The following DAB1 variants were observed in gnomAD, a reference collection of about 807,000 sequenced individuals.
DAB1 encodes DAB adaptor protein 1.
A neutral mutation model predicts 64.6 loss-of-function variants in DAB1; 15 were observed. The observed-to-expected ratio is 0.23, with a 90% CI of 0.16 to 0.36. DAB1 has a LOEUF of 0.36. Among genes scored for constraint, DAB1 ranks in the 10% least tolerant of loss-of-function variants. DAB1 has a pLI of 1.00. For missense variants in DAB1, 596 were observed against 706.7 expected (o/e 0.84, Z 1.78); for synonymous variants, 235 against 251.9 (o/e 0.93, Z 0.64).
At chr1:58,025,557 TATAG>T (rs1207473196) in intron 5 of DAB1, among the ~76,000 whole-genome samples, 2 of 147,624 alleles carry the variant, frequency 1.4e-5, no homozygotes, top group Non-Finnish European at 3.0e-5. Context: ...ATTATATATA[TATAG>T]AGAGAGAGCC....
chr1:58,441,839 A>T (rs1459618009), intron 3 of DAB1, among the ~76,000 whole-genome samples: 3 of 152,186 alleles, frequency 2.0e-5, no homozygotes, highest in African/African-American at 7.2e-5. Context: ...AGGAAATTAA[A>T]TTGCTCACTG....
intron 3 of DAB1, among the ~76,000 whole-genome samples, chr1:58,477,493 C>T (rs1645430461): frequency 6.6e-6 from 1 of 152,116 alleles, no homozygotes; most frequent in African/African-American, 2.4e-5. Context: ...GGTGTTGACT[C>T]ATACCCATCA....
At chr1:58,481,716 G>C (rs1443754176) in intron 3 of DAB1, among the ~76,000 whole-genome samples, 1 of 152,134 alleles carries the variant, frequency 6.6e-6, no homozygotes, top group Non-Finnish European at 1.5e-5. Context: ...GGAGGTAACT[G>C]AATCATGGAG....
chr1:58,282,952 C>G (rs9436173), intron 4 of DAB1, among the ~76,000 whole-genome samples: 139,761 of 152,188 alleles, frequency 0.92, 64,174 homozygotes, highest in South Asian at 0.95. Context: ...AGAGAAGAAG[C>G]CAACTTTGCT....
At chr1:57,346,839 C>T (rs1334912176) in intron 1 of DAB1, among the ~76,000 whole-genome samples, 2 of 152,174 alleles carry the variant, frequency 1.3e-5, no homozygotes, top group Non-Finnish European at 2.9e-5. Context: ...TCCATACTAT[C>T]TGAATTTGTT....
chr1:57,637,468 T>C (rs886067635), intron 7 of DAB1, among the ~76,000 whole-genome samples: 2 of 152,156 alleles, frequency 1.3e-5, no homozygotes, highest in Non-Finnish European at 2.9e-5. Flanking sequence ...GTGGTGGGTA[T>C]ATGCAGGTGT....
chr1:58,034,962 A>T (rs1226373935), intron 5 of DAB1, among the ~76,000 whole-genome samples: 1 of 152,166 alleles, frequency 6.6e-6, no homozygotes, highest in African/African-American at 2.4e-5. Flanking sequence ...TTCCCCTCGA[A>T]CCTGTGTCTT....
intron 1 of DAB1, among the ~76,000 whole-genome samples, chr1:57,355,868 C>T (rs1219541352): frequency 8.2e-6 from 1 of 122,464 alleles, no homozygotes; most frequent in Non-Finnish European, 1.8e-5. Flanking sequence ...TGTTAAACCT[C>T]AATAAACACA....
chr1:57,588,395 T>C (rs1019829872), intron 7 of DAB1, among the ~76,000 whole-genome samples: 1 of 152,358 alleles, frequency 6.6e-6, no homozygotes, highest in African/African-American at 2.4e-5. Context: ...AAAATGGAAG[T>C]GCTATCTAAA....
intron 7 of DAB1, among the ~76,000 whole-genome samples, chr1:57,608,061 C>T (rs992120993): frequency 3.3e-5 from 5 of 152,102 alleles, no homozygotes; most frequent in South Asian, 2.1e-4. Context: ...ACCTGAAGAC[C>T]CAGGCATGCA....
intron 3 of DAB1, among the ~76,000 whole-genome samples, chr1:57,143,664 T>C (rs374442100): frequency 3.3e-5 from 5 of 152,154 alleles, no homozygotes; most frequent in East Asian, 1.9e-4. Flanking sequence ...TAAGGAAATA[T>C]AGCATCTGAT....
In DAB1 at chr1:57,951,071, C is replaced by G. The variant is rs369635098; in HGVS notation, n.388-66909G>C. Among the ~76,000 whole-genome samples the G allele has an allele frequency of 5.3e-5, 8 of 152,072 alleles. No individual in the cohort carries two copies. In the East Asian group the frequency reaches 1.5e-3, roughly 29 times the overall value. ...TGATCAGGAGAGTGAATGCAGTTCC[C>G]CTGCAGACTAGTGAGCTGCCATGTT... On this transcript the variant is annotated intron_variant and non_coding_transcript_variant, in intron 5 of 20. Transcript: ENST00000485760.
In DAB1 at chr1:58,002,669, A is replaced by G. The variant is rs937379616; in HGVS notation, n.388-118507T>C. 2.8e-5 allele frequency among the ~76,000 whole-genome samples: 4 copies of G among 144,920 alleles called. 1 individual carries two copies. The highest frequency in any genetic ancestry group is 5.2e-5 in the African/African-American group (2 of 38,204). On this transcript the variant is annotated intron_variant and non_coding_transcript_variant, in intron 5 of 20. Coordinates refer to the DAB1 transcript ENST00000485760. ...GATACAAGCAGTTAACACAAGGTGT[A>G]TATATATATATAGAGAGAGAGACAG...
intron 1 of DAB1, among the ~76,000 whole-genome samples, chr1:57,399,675 A>C (rs370541063): frequency 4.6e-5 from 7 of 152,340 alleles, no homozygotes; most frequent in African/African-American, 1.2e-4. Context: ...TTTACAGATA[A>C]GAAAAATGAG....
chr1:57,328,517 T>C (rs1676375318), intron 1 of DAB1, among the ~76,000 whole-genome samples: 1 of 152,174 alleles, frequency 6.6e-6, no homozygotes, highest in Non-Finnish European at 1.5e-5. Context: ...TATTTTGCAG[T>C]AGGGAAGCAC....
At chr1:57,426,844 A>G (rs1187184026), upstream of DAB1, among the ~76,000 whole-genome samples, 1 of 150,930 alleles carries the variant, frequency 6.6e-6, no homozygotes, top group East Asian at 1.9e-4. Flanking sequence ...GATCGCAGTG[A>G]GCCTTAAATG....
intron 6 of DAB1, among the ~76,000 whole-genome samples, chr1:57,745,622 T>C (rs1276470976): frequency 1.3e-5 from 2 of 152,192 alleles, no homozygotes; most frequent in African/African-American, 4.8e-5. Flanking sequence ...GGGATTATAT[T>C]TAAGTTTTTG....
At chr1:58,005,025 A>G (rs1646560731) in intron 5 of DAB1, among the ~76,000 whole-genome samples, 1 of 152,116 alleles carries the variant, frequency 6.6e-6, no homozygotes, top group Non-Finnish European at 1.5e-5. Flanking sequence ...TCCAGATAAG[A>G]AAACAGAGTC....
intron 6 of DAB1, among the ~76,000 whole-genome samples, chr1:57,760,520 G>A (rs998239076): frequency 1.6e-4 from 24 of 150,362 alleles, no homozygotes; most frequent in Admixed American, 2.7e-4. Context: ...TTCCCTTCCC[G>A]TCTCTTCCCT....
Sources: allele counts gnomAD v4.1 joint callset (sites outside exome capture counted in the v4.1 genomes callset), GRCh38; gene constraint gnomAD v4.1.1; transcripts MANE v1.5; gene names NCBI Gene and HGNC (gene_info 2026-07-23, HGNC 2026-07-21).